PIEZO2: variants seen among roughly 807,000 people sequenced by gnomAD.
PIEZO2 encodes the protein piezo-type mechanosensitive ion channel component 2.
PIEZO2 carries 172 observed loss-of-function variants against 337.3 expected under a neutral mutation model. That is an observed-to-expected ratio of 0.51 (90% CI 0.45 to 0.58). The LOEUF (loss-of-function observed/expected upper bound fraction) is 0.58. Among genes scored for constraint, PIEZO2 ranks in the 20% least tolerant of loss-of-function variants. PIEZO2 has a pLI of 0.00. For synonymous variants in PIEZO2, 1,251 were observed against 1,228.5 expected (o/e 1.02, Z -0.38); for missense variants, 3,028 against 3,391.3 (o/e 0.89, Z 2.66).
At chr18:10,705,797 C>A (rs2035561669) in intron 40 of PIEZO2, 51 bp from the exon 41 acceptor site, 1 of 1,458,392 alleles carries the variant, frequency 6.9e-7, no homozygotes, top group Non-Finnish European at 9.0e-7. Context: ...ATCCACACTC[C>A]TGGGGTTCTT....
intron 2 of PIEZO2, among the ~76,000 whole-genome samples, chr18:10,999,084 A>C (rs2035440878): frequency 6.6e-6 from 1 of 151,988 alleles, no homozygotes; most frequent in Admixed American, 6.6e-5. Flanking sequence ...AATTTTTGTA[A>C]ACTAAGTTTG....
chr18:10,777,136 A>T (rs1212981588), intron 18 of PIEZO2, among the ~76,000 whole-genome samples: 1 of 152,180 alleles, frequency 6.6e-6, no homozygotes, highest in Non-Finnish European at 1.5e-5. Flanking sequence ...CTTTCTCCAC[A>T]GGAAGTGCAT....
chr18:11,129,191 C>A lies in PIEZO2; in HGVS notation c.64+19334G>T, dbSNP rs1217078085. 2.0e-5 allele frequency among the ~76,000 whole-genome samples: 3 copies of A among 152,130 alleles called. No homozygotes were observed. Among genetic ancestry groups the A allele is most frequent in the African/African-American group, 7.2e-5 (3 of 41,436 alleles). ...AGGGTCCAGAAGATATACCCTTGAC[C>A]AATGCCTTGTGAAACAGATTTGTGA... On this transcript the variant is annotated intron_variant, in intron 1 of 55. Coordinates refer to ENST00000674853, the MANE Select transcript of PIEZO2 (RefSeq NM_001378183.1). The surrounding 1 kb of genome is among the most constrained non-coding windows in gnomAD (Gnocchi z 4.6).
At chr18:11,053,187 T>C (rs1598887183) in intron 2 of PIEZO2, among the ~76,000 whole-genome samples, 1 of 152,312 alleles carries the variant, frequency 6.6e-6, no homozygotes, top group Non-Finnish European at 1.5e-5. Flanking sequence ...ATGAACTTAG[T>C]AGAGAGGGCT....
intron 1 of PIEZO2, among the ~76,000 whole-genome samples, chr18:11,074,714 A>C (rs772470914): frequency 1.3e-5 from 2 of 152,242 alleles, no homozygotes; most frequent in Non-Finnish European, 2.9e-5. Context: ...CAATATAGAA[A>C]GGGGGAAAAT....
At chr18:10,960,062 C>T (rs2033699854) in intron 3 of PIEZO2, among the ~76,000 whole-genome samples, 1 of 152,030 alleles carries the variant, frequency 6.6e-6, no homozygotes, top group Non-Finnish European at 1.5e-5. Flanking sequence ...TGAAGTAAAT[C>T]GTGCTTTTAT....
intron 4 of PIEZO2, among the ~76,000 whole-genome samples, chr18:10,900,608 C>G (rs1181714775): frequency 6.6e-6 from 1 of 152,186 alleles, no homozygotes; most frequent in Non-Finnish European, 1.5e-5. Flanking sequence ...TTGTCTTTGT[C>G]TTGGCACGTC....
At chr18:10,675,771 G>A (rs1207842454) in intron 53 of PIEZO2, among the ~76,000 whole-genome samples, 1 of 152,140 alleles carries the variant, frequency 6.6e-6, no homozygotes, top group Non-Finnish European at 1.5e-5. Flanking sequence ...GGGGCTGGTG[G>A]CAGATAATTG....
At chr18:11,063,203 T>C (rs2038031269) in intron 2 of PIEZO2, among the ~76,000 whole-genome samples, 2 of 146,180 alleles carry the variant, frequency 1.4e-5, no homozygotes, top group African/African-American at 5.2e-5. Flanking sequence ...ACACCACATG[T>C]CCTCACTCAT....
intron 2 of PIEZO2, among the ~76,000 whole-genome samples, chr18:11,050,805 A>ATATTATATATATATATATAT (rs1267873853): frequency 6.0e-5 from 9 of 150,340 alleles, no homozygotes; most frequent in African/African-American, 1.7e-4. Context: ...TATATATATA[A>ATATTATATATATATATATAT]AATTAATAAT....
chr18:10,944,748 T>C (rs1295120922), intron 3 of PIEZO2, among the ~76,000 whole-genome samples: 1 of 151,562 alleles, frequency 6.6e-6, no homozygotes, highest in Non-Finnish European at 1.5e-5. Flanking sequence ...CCAAGATGGG[T>C]TATAAAATTC....
At chr18:11,122,234 C>T (rs997851184) in intron 1 of PIEZO2, among the ~76,000 whole-genome samples, 16 of 152,186 alleles carry the variant, frequency 1.1e-4, no homozygotes, top group African/African-American at 3.4e-4. Context: ...GGATTACAGG[C>T]GTGAGCCACC....
chr18:11,140,612 G>T (rs1737858368), intron 1 of PIEZO2, among the ~76,000 whole-genome samples: 1 of 152,102 alleles, frequency 6.6e-6, no homozygotes, highest in African/African-American at 2.4e-5. Context: ...AACAAAGATG[G>T]GTGTTAGTGT....
In PIEZO2 at chr18:11,104,143, A is replaced by G. The variant is rs552296443; in HGVS notation, c.65-37921T>C. Reference sequence around the variant, plus strand: ...GCTTTCACTGGGATTGCAATATAACATATGTCTAGTACCAAAGTATGAGAC... The same window carrying G: ...GCTTTCACTGGGATTGCAATATAACGTATGTCTAGTACCAAAGTATGAGAC... On this transcript the variant is annotated intron_variant, in intron 1 of 55. Transcript: ENST00000674853. The surrounding 1 kb of genome is among the most constrained non-coding windows in gnomAD (Gnocchi z 4.6). Among the ~76,000 whole-genome samples, 14 of 152,296 alleles carry G rather than the reference A, an allele frequency of 9.2e-5. No homozygotes were observed. Among genetic ancestry groups the G allele is most frequent in the African/African-American group, 2.9e-4 (12 of 41,564 alleles).
chr18:11,046,815 C>T (rs868737477), intron 2 of PIEZO2, among the ~76,000 whole-genome samples: 22 of 152,274 alleles, frequency 1.4e-4, no homozygotes, highest in Non-Finnish European at 2.9e-4. Flanking sequence ...TGCAGTGCTC[C>T]GGCAGCCAGG....
At chr18:11,058,610 G>A (rs1249826738) in intron 2 of PIEZO2, among the ~76,000 whole-genome samples, 1 of 152,184 alleles carries the variant, frequency 6.6e-6, no homozygotes, top group Non-Finnish European at 1.5e-5. Context: ...ACCAAGGCAG[G>A]AGAACTATGT....
chr18:10,755,636 G>T (rs2037807386), intron 27 of PIEZO2, among the ~76,000 whole-genome samples: 1 of 152,180 alleles, frequency 6.6e-6, no homozygotes. Context: ...CACAAATACT[G>T]TGAGGGAAAC....
At chr18:10,733,561 G>A (rs561516997) in intron 35 of PIEZO2, among the ~76,000 whole-genome samples, 138 of 150,154 alleles carry the variant, frequency 9.2e-4, no homozygotes, top group Middle Eastern at 7.1e-3. Context: ...CCATTCTCCT[G>A]CCTCAGCCTC....
At chr18:10,826,365 G>A (rs940314146) in intron 7 of PIEZO2, among the ~76,000 whole-genome samples, 1 of 152,162 alleles carries the variant, frequency 6.6e-6, no homozygotes, top group African/African-American at 2.4e-5. Flanking sequence ...TTATCATATT[G>A]TTCTAGCCTT....
Sources: allele counts gnomAD v4.1 joint callset (sites outside exome capture counted in the v4.1 genomes callset), GRCh38; gene constraint gnomAD v4.1.1; non-coding constraint Gnocchi (gnomAD v3.1); transcripts MANE v1.5; gene names NCBI Gene and HGNC (gene_info 2026-07-23, HGNC 2026-07-21).